The following FRMD5 variants were observed in gnomAD, a reference collection of about 807,000 sequenced individuals.
FRMD5 encodes FERM domain-containing protein 5.
Under a neutral mutation model 69.0 loss-of-function variants are expected in FRMD5, and 20 were observed. The ratio of observed to expected loss-of-function variants is 0.29; its 90% CI spans 0.20 to 0.42. The LOEUF (loss-of-function observed/expected upper bound fraction) is 0.42. Among genes scored for constraint, FRMD5 ranks in the 10% least tolerant of loss-of-function variants. The probability of loss-of-function intolerance (pLI) is 1.00; values close to 1 mark genes in which losing one functional copy is unlikely to be tolerated. For missense variants in FRMD5, 595 were observed against 708.6 expected, an observed-to-expected ratio of 0.84 and a Z score of 1.82; for synonymous variants, 271 against 260.1, an observed-to-expected ratio of 1.04 and a Z score of -0.40.
chr15:44,000,235 G>T (rs1261568810), intron 1 of FRMD5, among the ~76,000 whole-genome samples: 1 of 151,672 alleles, frequency 6.6e-6, no homozygotes, highest in African/African-American at 2.4e-5. Context: ...TGATCCTCCT[G>T]CTCAGTCTCC....
chr15:43,910,018 T>G, intron 4 of FRMD5, 39 bp from the exon 5 acceptor site: 1 of 1,179,812 alleles, frequency 8.5e-7, no homozygotes, highest in Non-Finnish European at 1.3e-6. Context: ...AAGGATTTCT[T>G]TGATTGCTTT....
intron 1 of FRMD5, chr15:44,063,937 G>T (rs796643700): frequency 3.9e-6 from 1 of 253,310 alleles, no homozygotes; most frequent in Non-Finnish European, 7.8e-6. Flanking sequence ...GTACAAAAAC[G>T]GCCTCAAGAT....
At chr15:44,177,643 T>G (rs746334492) in intron 1 of FRMD5, among the ~76,000 whole-genome samples, 6 of 152,222 alleles carry the variant, frequency 3.9e-5, no homozygotes, top group Non-Finnish European at 8.8e-5. Flanking sequence ...GATATCTTGA[T>G]GGTTGCACAA....
chr15:44,168,448 G>C (rs1566981847), intron 1 of FRMD5, among the ~76,000 whole-genome samples: 1 of 152,206 alleles, frequency 6.6e-6, no homozygotes, highest in Non-Finnish European at 1.5e-5. Context: ...GACTTGCTCA[G>C]TGCCAAATTT....
chr15:44,124,797 C>A (rs758359940), intron 1 of FRMD5, among the ~76,000 whole-genome samples: 1 of 152,030 alleles, frequency 6.6e-6, no homozygotes. Flanking sequence ...AGAAAGAGAA[C>A]GGTTATAAAA....
At position 43,967,192 on chromosome 15, in the gene FRMD5, CAT is replaced by C. The variant is rs201343418; in HGVS notation, c.103-42885_103-42884del. 6.7e-3 allele frequency among the ~76,000 whole-genome samples: 1,008 copies of C among 150,056 alleles called. 16 individuals carry two copies. Among genetic ancestry groups the C allele is most frequent in the African/African-American group, 0.024 (957 of 40,552 alleles). On this transcript the variant is annotated intron_variant, in intron 1 of 13. Coordinates refer to ENST00000417257, the MANE Select transcript of FRMD5 (RefSeq NM_032892.5). The stretch of plus-strand genomic sequence containing the variant: ...TACAGCACTTTCAGAAATATATAAA[CAT>C]ATATAATCATATATATATACACATA...
rs563716430 is a variant in FRMD5, at chr15:43,996,368, T to C, written c.103-72059A>G. 2.0e-5 allele frequency among the ~76,000 whole-genome samples: 3 copies of C among 152,314 alleles called. No individual in the cohort carries two copies. The East Asian group carries it at 5.8e-4, about 29-fold the overall frequency. ...AGGCAACGTCCGGTACTCACTCTCC[T>C]TCCCTCACACAGAGGGTATCTTTCT... On this transcript the variant is annotated intron_variant, in intron 1 of 13. Coordinates refer to ENST00000417257, the MANE Select transcript of FRMD5 (RefSeq NM_032892.5).
intron 1 of FRMD5, among the ~76,000 whole-genome samples, chr15:43,991,871 C>T (rs980898765): frequency 3.3e-5 from 5 of 152,156 alleles, no homozygotes; most frequent in Admixed American, 1.3e-4. Flanking sequence ...TCTAACACAG[C>T]GCAGTGTCCT....
At chr15:44,151,136 G>A (rs973006964) in intron 1 of FRMD5, among the ~76,000 whole-genome samples, 1 of 152,146 alleles carries the variant, frequency 6.6e-6, no homozygotes, top group African/African-American at 2.4e-5. Context: ...GGTGGCTTAT[G>A]CCTGTAATCC....
Position 43,873,601 on chromosome 15 carries a change from A to C in FRMD5, c.*284T>G. On this transcript the variant is annotated 3_prime_UTR_variant, in exon 14 of 14. Coordinates refer to ENST00000417257, the MANE Select transcript of FRMD5 (RefSeq NM_032892.5). The stretch of plus-strand genomic sequence containing the variant: ...TACATCTATGAAAAATCAAAATTCA[A>C]AACCAAAAATTATCCTGCAAATTGG... 1.4e-6 allele frequency: 2 copies of C among 1,449,044 alleles called. No homozygotes were observed. Among genetic ancestry groups the C allele is most frequent in the South Asian group, 1.3e-5 (1 of 74,186 alleles). 89.8% of individuals were successfully genotyped at this position (1,449,044 alleles called of 1,614,324 possible).
chr15:44,196,752 TTCTC>T (rs779388784), upstream of FRMD5, among the ~76,000 whole-genome samples: 190 of 71,966 alleles, frequency 2.6e-3, 1 homozygote, highest in East Asian at 0.04. Flanking sequence ...CTCTCTCTCT[TTCTC>T]TCTCTCTCTC....
chr15:43,948,687 C>G (rs1306747364), intron 1 of FRMD5, among the ~76,000 whole-genome samples: 3 of 152,154 alleles, frequency 2.0e-5, no homozygotes, highest in Admixed American at 6.5e-5. Context: ...TACCTTAAAG[C>G]CAAGTTCCCA....
intron 1 of FRMD5, among the ~76,000 whole-genome samples, chr15:44,041,569 TAACA>T (rs1402921061): frequency 1.3e-5 from 2 of 152,132 alleles, no homozygotes; most frequent in African/African-American, 4.8e-5. Flanking sequence ...ACAGAAATCA[TAACA>T]AACAGTCTCT....
At position 43,872,304 on chromosome 15, in the gene FRMD5, G is replaced by GGTCAA. The variant is rs2088180520; in HGVS notation, c.*1576_*1580dup. 6.6e-6 allele frequency: 1 copy of GGTCAA among 151,942 alleles called. No individual in the cohort carries two copies. The highest frequency in any genetic ancestry group is 1.5e-5 in the Non-Finnish European group (1 of 68,002). 9.4% of individuals were successfully genotyped at this position (151,942 alleles called of 1,614,324 possible). A position where few individuals can be genotyped will look rare whatever the true frequency, so the allele number is the denominator to read the frequency against. On this transcript the variant is annotated 3_prime_UTR_variant, in exon 14 of 14. Transcript: ENST00000417257. ...CCATCTCGGGGGACAAAATAGGGGAGGTCAAGTCTACAAGTGACTTGTTCT... is the reference window on the plus strand; with the variant it reads ...CCATCTCGGGGGACAAAATAGGGGAGGTCAAGTCAAGTCTACAAGTGACTTGTTCT...
chr15:44,192,171 A>C (rs911453936), intron 1 of FRMD5, among the ~76,000 whole-genome samples: 1 of 152,098 alleles, frequency 6.6e-6, no homozygotes, highest in Admixed American at 6.6e-5. Context: ...ACCTTCATTG[A>C]AAAGATATAA....
chr15:43,931,657 T>C (rs1018692086), intron 1 of FRMD5, among the ~76,000 whole-genome samples: 2 of 152,082 alleles, frequency 1.3e-5, no homozygotes, highest in African/African-American at 4.8e-5. Flanking sequence ...TTAGGGAGTA[T>C]CCTGGATGGC....
chr15:44,105,922 C>G (rs2076710545), intron 1 of FRMD5, among the ~76,000 whole-genome samples: 1 of 152,166 alleles, frequency 6.6e-6, no homozygotes, highest in South Asian at 2.1e-4. Context: ...GTTCAAGTCC[C>G]TTATATAAAA....
chr15:44,159,642 A>G (rs997725577), intron 1 of FRMD5, among the ~76,000 whole-genome samples: 1 of 152,172 alleles, frequency 6.6e-6, no homozygotes, highest in Non-Finnish European at 1.5e-5. Flanking sequence ...TAGAGAATGA[A>G]AATAGGAGAA....
chr15:44,042,517 C>T (rs1595662315), intron 1 of FRMD5, among the ~76,000 whole-genome samples: 1 of 152,146 alleles, frequency 6.6e-6, no homozygotes, highest in Admixed American at 6.5e-5. Flanking sequence ...AACATCAATG[C>T]GAAAATCCTC....
Sources: gnomAD v4.1 joint callset for allele counts (sites outside exome capture counted in the v4.1 genomes callset) on GRCh38, gnomAD v4.1.1 for gene constraint, MANE v1.5 for transcripts, NCBI Gene and HGNC (gene_info 2026-07-23, HGNC 2026-07-21) for gene names.